The following FBXW10B variants were observed in gnomAD, a reference collection of about 807,000 sequenced individuals.
The protein encoded by FBXW10B is F-box and WD repeat domain containing protein 10B.
the FBXW10B span, chr17:15,619,310 T>C: frequency 6.2e-7 from 1 of 1,613,892 alleles, no homozygotes; most frequent in African/African-American, 1.3e-5. Context: ...GTGTAACAAA[T>C]ATAAGCTATT....
chr17:15,567,072 C>G, the FBXW10B span, among the ~76,000 whole-genome samples: 3 of 151,056 alleles, frequency 2.0e-5, no homozygotes, highest in Admixed American at 2.0e-4. Flanking sequence ...GCGATCCAGA[C>G]CATCCTGGCT....
At chr17:15,588,859 C>T in the FBXW10B span, 7 of 1,614,162 alleles carry the variant, frequency 4.3e-6, no homozygotes, top group Non-Finnish European at 5.1e-6. Flanking sequence ...CAGCCCGTTG[C>T]TAGCTGTGTC....
chr17:15,587,591 C>T, the FBXW10B span, among the ~76,000 whole-genome samples: 775 of 151,674 alleles, frequency 5.1e-3, 14 homozygotes, highest in Middle Eastern at 0.027. Context: ...AGCTGCTGGG[C>T]TCTCCTCTGG....
At chr17:15,607,465 G>C in the FBXW10B span, 1 of 828,368 alleles carries the variant, frequency 1.2e-6, no homozygotes, top group African/African-American at 1.7e-5. Context: ...TGGAGCTTGA[G>C]GTGAGGAGAG....
chr17:15,611,835 G>A, the FBXW10B span, among the ~76,000 whole-genome samples: 18 of 152,316 alleles, frequency 1.2e-4, no homozygotes, highest in South Asian at 3.1e-3. Context: ...CAAAGAGCTC[G>A]AAGAGTCTTC....
the FBXW10B span, chr17:15,565,603 A>C: frequency 6.8e-6 from 11 of 1,614,240 alleles, no homozygotes; most frequent in South Asian, 1.1e-5. Context: ...ATCAATAGGC[A>C]GGCCTTTGAT....
the FBXW10B span, among the ~76,000 whole-genome samples, chr17:15,600,768 G>A: frequency 1.3e-5 from 2 of 152,022 alleles, no homozygotes; most frequent in South Asian, 2.1e-4. Flanking sequence ...ATATATTGTC[G>A]GCCGGGCGCG....
the FBXW10B span, among the ~76,000 whole-genome samples, chr17:15,584,796 T>C: frequency 1.3e-5 from 2 of 152,188 alleles, no homozygotes; most frequent in East Asian, 3.8e-4. Flanking sequence ...TTGAGCCACA[T>C]CATTTTCTGT....
the FBXW10B span, chr17:15,619,447 G>T: frequency 6.2e-7 from 1 of 1,613,870 alleles, no homozygotes; most frequent in Non-Finnish European, 8.5e-7. Context: ...ATAGAGGGAT[G>T]GAATCGGTTC....
chr17:15,594,181 T>C, the FBXW10B span, among the ~76,000 whole-genome samples: 1 of 152,120 alleles, frequency 6.6e-6, no homozygotes, highest in East Asian at 1.9e-4. Flanking sequence ...CTTTTTAAAA[T>C]AGTATTATTG....
chr17:15,591,691 TTTTTG>T, the FBXW10B span, among the ~76,000 whole-genome samples: 1 of 128,236 alleles, frequency 7.8e-6, no homozygotes, highest in Non-Finnish European at 1.6e-5. Context: ...AAATTCAGTG[TTTTTG>T]TTTGTTTGTT....
At chr17:15,587,554 C>T in the FBXW10B span, among the ~76,000 whole-genome samples, 1 of 151,450 alleles carries the variant, frequency 6.6e-6, no homozygotes, top group Non-Finnish European at 1.5e-5. Context: ...ATTCTGTTGC[C>T]CTGACTTCAT....
At chr17:15,612,890 G>A in the FBXW10B span, 47 of 1,567,138 alleles carry the variant, frequency 3.0e-5, no homozygotes, top group African/African-American at 5.9e-4. Flanking sequence ...AACTCTGCAG[G>A]AGGAAGGGAA....
the FBXW10B span, chr17:15,618,861 C>T: frequency 1.0e-5 from 15 of 1,472,794 alleles, no homozygotes; most frequent in Middle Eastern, 4.7e-4. Flanking sequence ...GGTGTCAGGA[C>T]GAGGTGTCAG....
the FBXW10B span, chr17:15,613,578 G>A: frequency 2.0e-6 from 3 of 1,508,906 alleles, no homozygotes; most frequent in Non-Finnish European, 2.7e-6. Flanking sequence ...AATGAAGCTG[G>A]TCTCAGACAT....
the FBXW10B span, among the ~76,000 whole-genome samples, chr17:15,578,965 C>T: frequency 6.6e-6 from 1 of 152,160 alleles, no homozygotes; most frequent in African/African-American, 2.4e-5. Flanking sequence ...GCTTTCAAAA[C>T]TCATTCAGTG....
At chr17:15,609,038 C>T in the FBXW10B span, among the ~76,000 whole-genome samples, 1 of 148,528 alleles carries the variant, frequency 6.7e-6, no homozygotes, top group South Asian at 2.3e-4. Flanking sequence ...TCCAGACATG[C>T]TAAATTCTGG....
the FBXW10B span, among the ~76,000 whole-genome samples, chr17:15,581,390 T>C: frequency 6.6e-6 from 1 of 152,214 alleles, no homozygotes; most frequent in African/African-American, 2.4e-5. Context: ...TCAACAACTA[T>C]CAAGACTTTT....
the FBXW10B span, among the ~76,000 whole-genome samples, chr17:15,608,202 C>T: frequency 2.8e-5 from 4 of 144,274 alleles, no homozygotes; most frequent in Non-Finnish European, 4.5e-5. Context: ...CGCTCTGTCA[C>T]CAGGCTGGAG....
Sources: allele counts gnomAD v4.1 joint callset (sites outside exome capture counted in the v4.1 genomes callset), GRCh38; gene constraint gnomAD v4.1.1; transcripts MANE v1.5; gene names NCBI Gene and HGNC (gene_info 2026-07-23, HGNC 2026-07-21).